Variants in PRDM1 observed in about 807,000 individuals in gnomAD.
PRDM1 encodes the protein PR/SET domain 1, also known as PR domain zinc finger protein 1.
A neutral mutation model predicts 62.8 loss-of-function variants in PRDM1; 13 were observed. The observed-to-expected ratio is 0.21, with a 90% confidence interval of 0.13 to 0.33. The LOEUF is 0.33. Ranked by LOEUF, PRDM1 falls within the 10% of genes least tolerant of loss-of-function variation. PRDM1 has a pLI of 1.00. For missense variants in PRDM1, 895 were observed against 1,058.8 expected (o/e 0.85, Z 2.15); for synonymous variants, 396 against 417.6 (o/e 0.95, Z 0.63).
chr6:106,099,615 C>T, intron 4 of PRDM1, 63 bp downstream of exon 4: 2 of 1,582,492 alleles, frequency 1.3e-6, no homozygotes, highest in Admixed American at 3.4e-5. Flanking sequence ...CCCCTTTGAA[C>T]TAATAACATG....
At chr6:106,037,669 C>T (rs1323283133) in intron 1 of PRDM1, among the ~76,000 whole-genome samples, 1 of 151,992 alleles carries the variant, frequency 6.6e-6, no homozygotes, top group Non-Finnish European at 1.5e-5. Context: ...CATTTTTGTC[C>T]TTGTACTTTT....
At chr6:106,030,515 A>AT (rs1195308620) in intron 1 of PRDM1, among the ~76,000 whole-genome samples, 2 of 151,684 alleles carry the variant, frequency 1.3e-5, no homozygotes, top group Non-Finnish European at 1.5e-5. Context: ...AAAGTTTTAG[A>AT]TTTTGAGGGA....
At position 106,104,992 on chromosome 6, in the gene PRDM1, A is replaced by G. The variant is rs1479943792; in HGVS notation, c.832A>G (p.Lys278Glu). The G allele has an allele frequency of 6.2e-7, 1 of 1,613,926 alleles. No individual in the cohort carries two copies. The highest frequency in any genetic ancestry group is 8.5e-7 in the Non-Finnish European group (1 of 1,180,018). ...RSNISPLTSEKDLDDFRRRGS... is the reference protein window; with the variant it reads ...RSNISPLTSEEDLDDFRRRGS... ...TAACATTTCACCCCTCACATCAGAA[A>G]AGGACCTCGATGACTTTAGAAGACG... The change falls in exon 5 of 7, where the codon AAG (lysine) becomes GAG (glutamate). Residue 278 changes from lysine to glutamate, a missense_variant. This residue lies in a region of PRDM1 where 444 missense variants were observed against 422.7 expected (regional missense o/e 1.05). Coordinates refer to ENST00000369096, the MANE Select transcript of PRDM1 (RefSeq NM_001198.4).
chr6:106,043,938 C>G (rs1259794198), upstream of PRDM1, among the ~76,000 whole-genome samples: 3 of 152,190 alleles, frequency 2.0e-5, no homozygotes, highest in Admixed American at 6.5e-5. Context: ...TCCTCTTATT[C>G]TACACAGGAG....
intron 1 of PRDM1, 140 bp downstream of exon 1, chr6:106,086,735 C>CTG: frequency 1.4e-6 from 1 of 707,444 alleles, no homozygotes. Flanking sequence ...GCACTTAGTG[C>CTG]TGTCAAACAT....
At chr6:106,038,014 C>CTTTTTTGTTTTT (rs1772945051) in intron 1 of PRDM1, among the ~76,000 whole-genome samples, 1 of 47,800 alleles carries the variant, frequency 2.1e-5, no homozygotes, top group Non-Finnish European at 3.5e-5. Flanking sequence ...CTATTTTTGT[C>CTTTTTTGTTTTT]TTTTTTTTTT....
At chr6:106,072,290 AT>A (rs1293305244) in intron 1 of PRDM1, 2 of 152,246 alleles carry the variant, frequency 1.3e-5, no homozygotes, top group Non-Finnish European at 2.9e-5. Flanking sequence ...GAATCTGGAC[AT>A]TGTTTTTTAG....
Position 106,086,445 on chromosome 6 carries a change from G to T in PRDM1, c.-109G>T. On this transcript the variant is annotated 5_prime_UTR_variant, in exon 1 of 7. Coordinates refer to ENST00000369096, the MANE Select transcript of PRDM1 (RefSeq NM_001198.4). ...GAGCTGGGACGCGGGCGCCCGGGCG[G>T]CCGGACGAAGCGAGGAGGGACCGCC... 8.9e-7 allele frequency: 1 copy of T among 1,122,026 alleles called. No homozygotes were observed. Among genetic ancestry groups the T allele is most frequent in the Non-Finnish European group, 1.3e-6 (1 of 784,592 alleles). The allele number at this position is 1,122,026 out of a possible 1,614,324, so 69.5% of individuals were successfully genotyped here.
At chr6:106,076,424 G>C (rs140218736) in intron 1 of PRDM1, among the ~76,000 whole-genome samples, 19 of 152,280 alleles carry the variant, frequency 1.2e-4, no homozygotes, top group African/African-American at 4.6e-4. Flanking sequence ...ATTTGAAATC[G>C]TAGTATTTTG....
upstream of PRDM1, among the ~76,000 whole-genome samples, chr6:106,043,679 C>T (rs1399489210): frequency 6.6e-6 from 1 of 152,030 alleles, no homozygotes; most frequent in Non-Finnish European, 1.5e-5. Context: ...GGGATTACAG[C>T]ATGCACCACC....
At position 106,105,437 on chromosome 6, in the gene PRDM1, G is replaced by A. The variant is rs1245478888; in HGVS notation, c.1277G>A (p.Ser426Asn). 2 of 1,614,018 alleles carry A rather than the reference G, an allele frequency of 1.2e-6. No homozygotes were observed. The highest frequency in any genetic ancestry group is 2.7e-5 in the African/African-American group (2 of 74,894). ...TACGGCATGAATTGTAATGGCCTGA[G>A]CGCTGTGAGCAGCATGAATGGCATC... ...PPYGMNCNGL[S>N]AVSSMNGINN... Residue 426 changes from serine (S) to asparagine (N), a missense_variant, in exon 5 of 7, where the codon AGC (serine) becomes AAC (asparagine). By Grantham distance (46) the Ser-to-Asn change is conservative (BLOSUM62 1). Coordinates refer to ENST00000369096, the MANE Select transcript of PRDM1 (RefSeq NM_001198.4).
chr6:105,995,997 C>T (rs1043110060), intron 1 of PRDM1, among the ~76,000 whole-genome samples: 41 of 152,300 alleles, frequency 2.7e-4, no homozygotes, highest in Admixed American at 2.3e-3. Context: ...TGACCCTTCT[C>T]TCTCACTCCA....
At chr6:105,999,658 G>A (rs573587490) in intron 1 of PRDM1, among the ~76,000 whole-genome samples, 1 of 152,214 alleles carries the variant, frequency 6.6e-6, no homozygotes, top group South Asian at 2.1e-4. Flanking sequence ...CATGACTGCA[G>A]TAGAAATAAA....
At chr6:106,086,287 A>C, upstream of PRDM1, 4 of 417,930 alleles carry the variant, frequency 9.6e-6, no homozygotes, top group Non-Finnish European at 1.3e-5. Flanking sequence ...CACTTCGCGC[A>C]GCCGAGTGGC....
At chr6:106,055,425 C>G (rs1773249009) in intron 1 of PRDM1, among the ~76,000 whole-genome samples, 1 of 152,132 alleles carries the variant, frequency 6.6e-6, no homozygotes, top group Non-Finnish European at 1.5e-5. Flanking sequence ...GCCTGGTTCA[C>G]TATTATAACT....
chr6:106,098,332 G>C, intron 3 of PRDM1: 1 of 985,390 alleles, frequency 1.0e-6, no homozygotes, highest in Non-Finnish European at 1.2e-6. Context: ...TATAGTTTCA[G>C]TAAGAGTGTA....
Position 106,108,353 on chromosome 6 carries a change from G to A in PRDM1, c.*867G>A, listed in dbSNP as rs1469934887. 4.3e-6 allele frequency: 1 copy of A among 233,386 alleles called. No homozygotes were observed. The highest frequency in any genetic ancestry group is 2.2e-5 in the African/African-American group (1 of 45,236). 14.5% of individuals were successfully genotyped at this position (233,386 alleles called of 1,614,324 possible). A position where few individuals can be genotyped will look rare whatever the true frequency, so the allele number is the denominator to read the frequency against. On this transcript the variant is annotated 3_prime_UTR_variant, in exon 7 of 7. Transcript: ENST00000369096. ...CCCCACCGAGTCCTGTGGCCATTCA[G>A]AGCGGCCACATGACTTTTGCATCCA...
chr6:106,047,973 C>A (rs1349396879), upstream of PRDM1, among the ~76,000 whole-genome samples: 3 of 152,180 alleles, frequency 2.0e-5, no homozygotes, highest in Non-Finnish European at 4.4e-5. Flanking sequence ...TCTTAAACGG[C>A]TTGTGCCAGA....
intron 1 of PRDM1, among the ~76,000 whole-genome samples, chr6:106,079,188 C>T (rs1773652573): frequency 6.6e-6 from 1 of 152,030 alleles, no homozygotes; most frequent in Non-Finnish European, 1.5e-5. Context: ...TGGTCTCAAA[C>T]TCCTGACTTC....
Sources: allele counts gnomAD v4.1 joint callset (sites outside exome capture counted in the v4.1 genomes callset), GRCh38; gene constraint gnomAD v4.1.1; regional missense constraint gnomAD v4.1.1; transcripts MANE v1.5; gene names NCBI Gene and HGNC (gene_info 2026-07-23, HGNC 2026-07-21).